Variants in PDSS2 observed in about 807,000 individuals in gnomAD.
PDSS2 encodes decaprenyl diphosphate synthase subunit 2.
In PDSS2, 31 loss-of-function variants were observed where a neutral mutation model predicts 44.5. The observed-to-expected ratio is 0.70, with a 90% confidence interval of 0.52 to 0.94. The LOEUF is 0.94. Among genes scored for constraint, PDSS2 ranks in the 40% least tolerant of loss-of-function variants. The pLI is 0.00. For synonymous variants in PDSS2, 157 were observed against 180.3 expected (o/e 0.87, Z 1.03); for missense variants, 452 against 482.2 (o/e 0.94, Z 0.59).
At chr6:107,254,574 T>A (rs1774941958) in intron 3 of PDSS2, among the ~76,000 whole-genome samples, 1 of 152,212 alleles carries the variant, frequency 6.6e-6, no homozygotes, top group African/African-American at 2.4e-5. Flanking sequence ...AATTGCTGAA[T>A]ATGAAGTCTG....
intron 4 of PDSS2, among the ~76,000 whole-genome samples, chr6:107,232,845 CTT>C (rs1439880264): frequency 1.4e-5 from 2 of 146,444 alleles, no homozygotes. Context: ...TTCTTTCTTT[CTT>C]TTTTTTTTTT....
At chr6:107,322,777 C>T (rs556169983) in intron 2 of PDSS2, among the ~76,000 whole-genome samples, 2 of 152,238 alleles carry the variant, frequency 1.3e-5, no homozygotes, top group African/African-American at 2.4e-5. Flanking sequence ...GAGCCATTAT[C>T]GTTCCACTGC....
At chr6:107,221,691 C>G (rs1031740728) in intron 4 of PDSS2, among the ~76,000 whole-genome samples, 6 of 152,284 alleles carry the variant, frequency 3.9e-5, no homozygotes, top group Middle Eastern at 3.4e-3. Flanking sequence ...ATGCTGCTCT[C>G]CTACTTTACT....
chr6:107,217,857 G>T (rs1773464244), intron 4 of PDSS2, among the ~76,000 whole-genome samples: 2 of 152,200 alleles, frequency 1.3e-5, no homozygotes. Flanking sequence ...CTTAGAATAT[G>T]TAACATTGCT....
intron 1 of PDSS2, among the ~76,000 whole-genome samples, chr6:107,436,812 CA>C (rs1166485649): frequency 6.6e-6 from 1 of 152,054 alleles, no homozygotes; most frequent in Non-Finnish European, 1.5e-5. Context: ...TTATATGTAT[CA>C]AAACATCACT....
intron 1 of PDSS2, among the ~76,000 whole-genome samples, chr6:107,434,845 A>G (rs561244085): frequency 6.6e-6 from 1 of 152,300 alleles, no homozygotes; most frequent in African/African-American, 2.4e-5. Context: ...GCGTGTATCA[A>G]AATACCTCCA....
At chr6:107,193,037 A>T (rs1313116279) in intron 7 of PDSS2, among the ~76,000 whole-genome samples, 2 of 152,180 alleles carry the variant, frequency 1.3e-5, no homozygotes, top group Admixed American at 1.3e-4. Flanking sequence ...GATGGTTGAC[A>T]TGTTCTTTTA....
At chr6:107,396,863 T>C (rs1042117277) in intron 1 of PDSS2, among the ~76,000 whole-genome samples, 4 of 151,746 alleles carry the variant, frequency 2.6e-5, no homozygotes, top group African/African-American at 9.7e-5. Context: ...TGATTTTTTA[T>C]TTTTATTTTT....
At chr6:107,294,346 C>T (rs958905949) in intron 2 of PDSS2, among the ~76,000 whole-genome samples, 1 of 152,014 alleles carries the variant, frequency 6.6e-6, no homozygotes, top group African/African-American at 2.4e-5. Context: ...TAAATGTCCC[C>T]CCAAATACTT....
At chr6:107,355,271 T>C (rs1476240767) in intron 1 of PDSS2, among the ~76,000 whole-genome samples, 1 of 152,200 alleles carries the variant, frequency 6.6e-6, no homozygotes, top group Non-Finnish European at 1.5e-5. Flanking sequence ...GATACTTCAT[T>C]GTGTGTAACA....
intron 1 of PDSS2, among the ~76,000 whole-genome samples, chr6:107,406,459 T>C (rs1780323715): frequency 1.3e-5 from 2 of 152,190 alleles, no homozygotes; most frequent in African/African-American, 4.8e-5. Flanking sequence ...TAAGATCATC[T>C]TTACCAAGCA....
At chr6:107,446,199 C>A (rs1442149354) in intron 1 of PDSS2, among the ~76,000 whole-genome samples, 2 of 151,962 alleles carry the variant, frequency 1.3e-5, no homozygotes, top group Non-Finnish European at 2.9e-5. Context: ...ACCTGTAGTC[C>A]CAGCTACTCG....
At chr6:107,264,216 G>C in intron 3 of PDSS2, 5 of 1,170,646 alleles carry the variant, frequency 4.3e-6, no homozygotes, top group Non-Finnish European at 5.5e-6. Context: ...AAACTATATA[G>C]ATGGTGTAAA....
chr6:107,375,608 T>A (rs543317749), intron 1 of PDSS2, among the ~76,000 whole-genome samples: 1 of 152,304 alleles, frequency 6.6e-6, no homozygotes, highest in South Asian at 2.1e-4. Context: ...GAAGAACTCA[T>A]ACCAGCAGCT....
chr6:107,372,149 A>G (rs1026988975), intron 1 of PDSS2, among the ~76,000 whole-genome samples: 9 of 152,238 alleles, frequency 5.9e-5, no homozygotes, highest in Admixed American at 2.0e-4. Flanking sequence ...TCTAGCAGGC[A>G]GTCAAGGGGG....
chr6:107,165,843 A>G lies in PDSS2; in HGVS notation c.1042-11066T>C, dbSNP rs533606578. Among the ~76,000 whole-genome samples, 51 of 152,166 alleles carry G rather than the reference A, an allele frequency of 3.4e-4. No individual in the cohort carries two copies. The East Asian group carries it at 8.9e-3, about 27-fold the overall frequency. On this transcript the variant is annotated intron_variant, in intron 7 of 7. Transcript: ENST00000369037. ...GTTTGTGTCTTCTTTTATTTCGTTGAGCAGTGGTTTGTAGTTTTCCTTGAA... is the reference window on the plus strand; with the variant it reads ...GTTTGTGTCTTCTTTTATTTCGTTGGGCAGTGGTTTGTAGTTTTCCTTGAA...
At position 107,154,389 on chromosome 6, in the gene PDSS2, A is replaced by T; in HGVS notation, c.*230T>A. The T allele has an allele frequency of 2.0e-6, 1 of 497,972 alleles. No homozygotes were observed. The highest frequency in any genetic ancestry group is 3.6e-6 in the Non-Finnish European group (1 of 274,878). The allele number at this position is 497,972 out of a possible 1,614,324, so 30.8% of individuals were successfully genotyped here. A position where few individuals can be genotyped will look rare whatever the true frequency, so the allele number is the denominator to read the frequency against. Reference sequence around the variant, plus strand: ...TCTCATTAATTATTTCTGCGACTGCAGCCTCAAGTGTGCTTCTGGCGTGAC... The same window carrying T: ...TCTCATTAATTATTTCTGCGACTGCTGCCTCAAGTGTGCTTCTGGCGTGAC... On this transcript the variant is annotated 3_prime_UTR_variant, in exon 8 of 8. Transcript: ENST00000369037.
intron 1 of PDSS2, among the ~76,000 whole-genome samples, chr6:107,392,033 A>G (rs532468169): frequency 5.9e-5 from 9 of 152,286 alleles, no homozygotes; most frequent in Non-Finnish European, 1.0e-4. Flanking sequence ...CTAATGGGAA[A>G]CATTTCTTTA....
At chr6:107,425,427 G>A (rs1780966140) in intron 1 of PDSS2, among the ~76,000 whole-genome samples, 1 of 152,188 alleles carries the variant, frequency 6.6e-6, no homozygotes, top group Non-Finnish European at 1.5e-5. Flanking sequence ...CCAGGCTGAG[G>A]TGGTCTCAGA....
Sources: gnomAD v4.1 joint callset for allele counts (sites outside exome capture counted in the v4.1 genomes callset) on GRCh38, gnomAD v4.1.1 for gene constraint, MANE v1.5 for transcripts, NCBI Gene and HGNC (gene_info 2026-07-23, HGNC 2026-07-21) for gene names.